Variants in SLC46A1 observed in about 807,000 individuals in gnomAD.
SLC46A1 encodes the protein proton-coupled folate transporter.
A neutral mutation model predicts 32.1 loss-of-function variants in SLC46A1; 17 were observed. That is an observed-to-expected ratio of 0.53 (90% CI 0.36 to 0.79). The LOEUF (loss-of-function observed/expected upper bound fraction) is 0.79. Among genes scored for constraint, SLC46A1 ranks in the 30% least tolerant of loss-of-function variants. The pLI, the probability that SLC46A1 is intolerant of heterozygous loss-of-function variation, is 0.00. For synonymous variants in SLC46A1, 240 were observed against 262.7 expected (o/e 0.91, Z 0.84); for missense variants, 517 against 588.2 (o/e 0.88, Z 1.25).
chr17:28,404,507 T>C (rs1256062381), intron 2 of SLC46A1, 109 bp downstream of exon 2: 6 of 1,413,474 alleles, frequency 4.2e-6, no homozygotes, highest in Non-Finnish European at 5.9e-6. Context: ...GGCATAACTA[T>C]GTTTCCAAAG....
intron 2 of SLC46A1, chr17:28,403,004 A>G (rs2068215782): frequency 6.6e-6 from 1 of 152,274 alleles, no homozygotes; most frequent in South Asian, 2.1e-4. Context: ...AGGCACAAAG[A>G]GGAGGAGAGT....
At chr17:28,402,387 G>T in intron 2 of SLC46A1, 66 bp from the exon 3 acceptor site, 1 of 1,378,836 alleles carries the variant, frequency 7.3e-7, no homozygotes, top group Admixed American at 1.9e-5. Flanking sequence ...GGGAAAGGCA[G>T]CAGAGCTCCT....
chr17:28,396,417 C>G lies in SLC46A1; in HGVS notation c.*3239G>C, dbSNP rs1567812587. 9.8e-7 allele frequency: 1 copy of G among 1,024,980 alleles called. No homozygotes were observed. Among genetic ancestry groups the G allele is most frequent in the Non-Finnish European group, 1.4e-6 (1 of 692,662 alleles). 63.5% of individuals were successfully genotyped at this position (1,024,980 alleles called of 1,614,324 possible). On this transcript the variant is annotated 3_prime_UTR_variant, in exon 5 of 5. Coordinates refer to ENST00000612814, the MANE Select transcript of SLC46A1 (RefSeq NM_080669.6). The stretch of plus-strand genomic sequence containing the variant: ...TCTTAGGAAATGGCTCTCCCTCCCC[C>G]TGTCCCCCACCCTCATGGCCCACCT...
In SLC46A1 at chr17:28,400,663, C is replaced by T. The variant is rs1327266121; in HGVS notation, c.1269G>A (p.Gly423=). 2 of 1,613,530 alleles carry T rather than the reference C, an allele frequency of 1.2e-6. No homozygotes were observed. The highest frequency in any genetic ancestry group is 8.5e-7 in the Non-Finnish European group (1 of 1,179,840). Residue 423 remains glycine (G), a synonymous_variant, in exon 4 of 5, where the codon GGG becomes GGA. Coordinates refer to ENST00000612814, the MANE Select transcript of SLC46A1 (RefSeq NM_080669.6). ...LYPATLNFMK[G]FPFLLGAGLL... ...GGCCAGCTCCCAGGAGGAAGGGGAACCCCTTCATAAAGTTCAGAGTGGCTG... is the reference window on the plus strand; with the variant it reads ...GGCCAGCTCCCAGGAGGAAGGGGAATCCCTTCATAAAGTTCAGAGTGGCTG...
Position 28,406,046 on chromosome 17 carries a change from G to A in SLC46A1, c.69C>T (p.Gly23=), listed in dbSNP as rs2068258514. Residue 23 remains glycine, a synonymous_variant, in exon 1 of 5, where the codon GGC becomes GGT. Transcript: ENST00000612814. This position sits in a 1 kb window ranked among gnomAD's most constrained non-coding sequence, Gnocchi z 4.5. Reference sequence around the variant, plus strand: ...CCAGGAAGACCAGCGGCTCTACCGGGCCCCGGCACAGCACGGCAGCCGCAG... The same window carrying A: ...CCAGGAAGACCAGCGGCTCTACCGGACCCCGGCACAGCACGGCAGCCGCAG... ...ARPAAAVLCR[G]PVEPLVFLAN... The A allele has an allele frequency of 1.2e-6, 2 of 1,606,010 alleles. No homozygotes were observed. Among genetic ancestry groups the A allele is most frequent in the Non-Finnish European group, 1.7e-6 (2 of 1,177,562 alleles).
chr17:28,398,595 G>A lies in SLC46A1; in HGVS notation c.*1061C>T, dbSNP rs958158025. The A allele has an allele frequency of 5.9e-5, 9 of 152,678 alleles. No homozygotes were observed. The highest frequency in any genetic ancestry group is 1.9e-4 in the East Asian group (1 of 5,198). 9.5% of individuals were successfully genotyped at this position (152,678 alleles called of 1,614,324 possible). A position where few individuals can be genotyped will look rare whatever the true frequency, so the allele number is the denominator to read the frequency against. On this transcript the variant is annotated 3_prime_UTR_variant, in exon 5 of 5. Transcript: ENST00000612814. ...GGCTGGGCTGCAGCTGCTACCCCTC[G>A]GTTGGGGCTGAGTCAGCCAGATCCT...
At position 28,395,855 on chromosome 17, in the gene SLC46A1, G is replaced by A; in HGVS notation, c.*3801C>T. ...TCCCAGCACCTGCCTGGCTACAAGG[G>A]TCCCTAGATGGGTACAGGGGTATCT... On this transcript the variant is annotated 3_prime_UTR_variant, in exon 5 of 5. Transcript: ENST00000612814. 2 of 1,606,118 alleles carry A rather than the reference G, an allele frequency of 1.2e-6. No individual in the cohort carries two copies. The highest frequency in any genetic ancestry group is 2.2e-5 in the East Asian group (1 of 44,796).
Position 28,402,276 on chromosome 17 carries a change from C to T in SLC46A1, c.1127G>A (p.Arg376Gln), listed in dbSNP as rs281875211. The stretch of plus-strand genomic sequence containing the variant: ...TCTCACCAGCTTGGAGAGTTTAGCC[C>T]GGATGACAGGTGTGATGACTAATGA... Reference protein sequence around the residue: ...FLSLVITPVIRAKLSKLVRET... With the variant: ...FLSLVITPVIQAKLSKLVRET... The change falls in exon 3 of 5, where the codon CGG (arginine) becomes CAG (glutamine). Residue 376 changes from arginine (R) to glutamine (Q), a missense_variant. Transcript: ENST00000612814. 9.9e-6 allele frequency: 16 copies of T among 1,613,470 alleles called. No individual in the cohort carries two copies. Among genetic ancestry groups the T allele is most frequent in the Admixed American group, 1.7e-5 (1 of 59,936 alleles).
Position 28,404,917 on chromosome 17 carries a change from T to C in SLC46A1, c.780A>G (p.Pro260=), listed in dbSNP as rs1555590579. ...GGGCTAAATGTTTCCTGGACTTCTC[T>C]GGGGCGGGAGCCACATAGAGCTGGA... is the stretch of plus-strand genomic sequence containing the variant. ...SIVQLYVAPA[P]EKSRKHLALY... Residue 260 remains proline, a synonymous_variant, in exon 2 of 5, where the codon CCA becomes CCG. Coordinates refer to ENST00000612814, the MANE Select transcript of SLC46A1 (RefSeq NM_080669.6). 2 of 1,614,002 alleles carry C rather than the reference T, an allele frequency of 1.2e-6. No homozygotes were observed. Among genetic ancestry groups the C allele is most frequent in the East Asian group, 2.2e-5 (1 of 44,890 alleles).
chr17:28,396,383 C>T lies in SLC46A1; in HGVS notation c.*3273G>A. 3 of 1,464,900 alleles carry T rather than the reference C, an allele frequency of 2.0e-6. No homozygotes were observed. In the South Asian group the frequency reaches 3.7e-5, roughly 18 times the overall value. The allele number at this position is 1,464,900 out of a possible 1,614,324, so 90.7% of individuals were successfully genotyped here. On this transcript the variant is annotated 3_prime_UTR_variant, in exon 5 of 5. Coordinates refer to ENST00000612814, the MANE Select transcript of SLC46A1 (RefSeq NM_080669.6). ...ACCAGTCTCCCTGGGCTGAGACAAC[C>T]TGGGCTCTTCTTAGGAAATGGCTCT...
rs782456782 is a variant in SLC46A1, at chr17:28,406,069, C to T, written c.46G>A (p.Ala16Thr). The T allele has an allele frequency of 6.3e-7, 1 of 1,593,660 alleles. No individual in the cohort carries two copies. The highest frequency in any genetic ancestry group is 1.1e-5 in the South Asian group (1 of 88,672). ...SPPEKPRARP[A>T]AAVLCRGPVE... ...GGGCCCCGGCACAGCACGGCAGCCG[C>T]AGGGCGGGCGCGGGGCTTTTCCGGG... Residue 16 changes from alanine to threonine, a missense_variant, in exon 1 of 5, where the codon GCG becomes ACG. By Grantham distance (58) the Ala-to-Thr change is moderately conservative. Coordinates refer to ENST00000612814, the MANE Select transcript of SLC46A1 (RefSeq NM_080669.6). This position sits in a 1 kb window ranked among gnomAD's most constrained non-coding sequence, Gnocchi z 4.5.
rs2068113694 is a variant in SLC46A1, at chr17:28,395,788, G to C, written c.*3868C>G. ...AGGTAGACATCAAGGTGGACATCAGGACTGGTGTCCTGCCCTGGGCCCAGC... is the reference window on the plus strand; with the variant it reads ...AGGTAGACATCAAGGTGGACATCAGCACTGGTGTCCTGCCCTGGGCCCAGC... On this transcript the variant is annotated 3_prime_UTR_variant, in exon 5 of 5. Coordinates refer to ENST00000612814, the MANE Select transcript of SLC46A1 (RefSeq NM_080669.6). 1 of 1,061,320 alleles carries C rather than the reference G, an allele frequency of 9.4e-7. No homozygotes were observed. The highest frequency in any genetic ancestry group is 1.6e-5 in the African/African-American group (1 of 64,312). The allele number at this position is 1,061,320 out of a possible 1,614,324, so 65.7% of individuals were successfully genotyped here. A position where few individuals can be genotyped will look rare whatever the true frequency, so the allele number is the denominator to read the frequency against.
Position 28,395,899 on chromosome 17 carries a change from C to T in SLC46A1, c.*3757G>A, listed in dbSNP as rs2068115709. Reference sequence around the variant, plus strand: ...GGTATCTTCCTCCTTTCCTTTCTTTCTCCAGGAGATTGTGACTGCTTTAAG... The same window carrying T: ...GGTATCTTCCTCCTTTCCTTTCTTTTTCCAGGAGATTGTGACTGCTTTAAG... On this transcript the variant is annotated 3_prime_UTR_variant, in exon 5 of 5. Transcript: ENST00000612814. 1 of 1,613,526 alleles carries T rather than the reference C, an allele frequency of 6.2e-7. No individual in the cohort carries two copies. The highest frequency in any genetic ancestry group is 1.3e-5 in the African/African-American group (1 of 74,908).
At position 28,395,859 on chromosome 17, in the gene SLC46A1, C is replaced by T. The variant is rs782020258; in HGVS notation, c.*3797G>A. 3 of 1,608,378 alleles carry T rather than the reference C, an allele frequency of 1.9e-6. No homozygotes were observed. The highest frequency in any genetic ancestry group is 2.2e-5 in the South Asian group (2 of 91,012). On this transcript the variant is annotated 3_prime_UTR_variant, in exon 5 of 5. Coordinates refer to ENST00000612814, the MANE Select transcript of SLC46A1 (RefSeq NM_080669.6). ...AGCACCTGCCTGGCTACAAGGGTCCCTAGATGGGTACAGGGGTATCTTCCT... is the reference window on the plus strand; with the variant it reads ...AGCACCTGCCTGGCTACAAGGGTCCTTAGATGGGTACAGGGGTATCTTCCT...
Position 28,394,722 on chromosome 17 carries a change from T to C in SLC46A1, c.*4934A>G, listed in dbSNP as rs2068099918. ...AAATAAGACTAAGTATAGAGTTTCTTTGAGTGCAAAGTTTGAGAATAGCCA... is the reference window on the plus strand; with the variant it reads ...AAATAAGACTAAGTATAGAGTTTCTCTGAGTGCAAAGTTTGAGAATAGCCA... On this transcript the variant is annotated 3_prime_UTR_variant, in exon 5 of 5. Coordinates refer to ENST00000612814, the MANE Select transcript of SLC46A1 (RefSeq NM_080669.6). 1 of 152,172 alleles carries C rather than the reference T, an allele frequency of 6.6e-6. No homozygotes were observed. Among genetic ancestry groups the C allele is most frequent in the Admixed American group, 6.5e-5 (1 of 15,276 alleles). The allele number at this position is 152,172 out of a possible 1,614,324, so 9.4% of individuals were successfully genotyped here. A position where few individuals can be genotyped will look rare whatever the true frequency, so the allele number is the denominator to read the frequency against.
chr17:28,399,982 C>T, intron 4 of SLC46A1: 1 of 444,264 alleles, frequency 2.3e-6, no homozygotes, highest in Non-Finnish European at 4.1e-6. Context: ...TACCCTTGAA[C>T]TCCTGGGCTC....
At chr17:28,405,675 G>T in intron 1 of SLC46A1, 1 of 960,892 alleles carries the variant, frequency 1.0e-6, no homozygotes, top group Non-Finnish European at 1.5e-6. Context: ...CCCCCCTTTT[G>T]TTAACCTGCA....
chr17:28,396,604 C>A lies in SLC46A1; in HGVS notation c.*3052G>T. On this transcript the variant is annotated 3_prime_UTR_variant, in exon 5 of 5. Transcript: ENST00000612814. ...TGGAGTTGGGGTGGGGGTGGTTCTGCATTCCCTTCTCCTGCTGATAGCAGT... is the reference window on the plus strand; with the variant it reads ...TGGAGTTGGGGTGGGGGTGGTTCTGAATTCCCTTCTCCTGCTGATAGCAGT... The A allele has an allele frequency of 3.0e-6, 1 of 335,040 alleles. No homozygotes were observed. The highest frequency in any genetic ancestry group is 5.6e-6 in the Non-Finnish European group (1 of 179,676). The allele number at this position is 335,040 out of a possible 1,614,324, so 20.8% of individuals were successfully genotyped here. A position where few individuals can be genotyped will look rare whatever the true frequency, so the allele number is the denominator to read the frequency against.
chr17:28,400,695 G>A lies in SLC46A1; in HGVS notation c.1237C>T (p.Leu413Phe), dbSNP rs782201123. ...MLTASGIFNS[L>F]YPATLNFMKG... Reference sequence around the variant, plus strand: ...ATAAAGTTCAGAGTGGCTGGGTAGAGTGAGTTGAAGATGCCGGAGGCCGTC... The same window carrying A: ...ATAAAGTTCAGAGTGGCTGGGTAGAATGAGTTGAAGATGCCGGAGGCCGTC... Residue 413 changes from leucine (L) to phenylalanine (F), a missense_variant, in exon 4 of 5, where the codon CTC (leucine) becomes TTC (phenylalanine). Leu to Phe is a conservative substitution (Grantham distance 22). Transcript: ENST00000612814. 2.5e-6 allele frequency: 4 copies of A among 1,611,710 alleles called. No individual in the cohort carries two copies. In the South Asian group the frequency reaches 4.4e-5, roughly 18 times the overall value.
Sources: allele counts gnomAD v4.1 joint callset, GRCh38; gene constraint gnomAD v4.1.1; non-coding constraint Gnocchi (gnomAD v3.1); transcripts MANE v1.5; gene names NCBI Gene and HGNC (gene_info 2026-07-23, HGNC 2026-07-21).